The following EDA variants were observed in gnomAD, a reference collection of about 807,000 sequenced individuals.
The protein encoded by EDA is ectodysplasin-A.
In EDA, 2 loss-of-function variants were observed where a neutral mutation model predicts 23.6. That is an observed-to-expected ratio of 0.08 (90% CI 0.03 to 0.27). The LOEUF (loss-of-function observed/expected upper bound fraction) is 0.27, where lower values mean the gene tolerates loss of function less well. Ranked by LOEUF, EDA falls within the 10% of genes least tolerant of loss-of-function variation. The pLI is 1.00. For missense variants in EDA, 229 were observed against 324.2 expected (o/e 0.71, Z 2.26); for synonymous variants, 131 against 132.0 (o/e 0.99, Z 0.05).
intron 1 of EDA, among the ~76,000 whole-genome samples, chrX:69,826,206 C>T (rs183178997): frequency 5.4e-5 from 6 of 111,608 alleles, no homozygotes; most frequent in Admixed American, 3.8e-4. Context: ...CTGTAGATGT[C>T]TAATAGGTCT....
intron 2 of EDA, among the ~76,000 whole-genome samples, chrX:69,979,342 T>C (rs1040078029): frequency 2.7e-5 from 3 of 112,404 alleles, no homozygotes; most frequent in Admixed American, 9.5e-5. Context: ...TTATGAATAA[T>C]GCTACTGTGA....
chrX:69,755,726 C>T (rs1173478120), intron 1 of EDA, among the ~76,000 whole-genome samples: 6 of 112,578 alleles, frequency 5.3e-5, no homozygotes, highest in Non-Finnish European at 1.1e-4. Context: ...TTGGAGCTTC[C>T]CAGCAGCTTT....
At chrX:69,666,325 GT>G (rs1933680712) in intron 1 of EDA, among the ~76,000 whole-genome samples, 1 of 112,210 alleles carries the variant, frequency 8.9e-6, no homozygotes, top group Non-Finnish European at 1.9e-5. Flanking sequence ...AGTACTTTCA[GT>G]ACTATGTTGA....
intron 1 of EDA, among the ~76,000 whole-genome samples, chrX:69,721,954 G>A (rs1435741468): frequency 2.7e-5 from 3 of 110,994 alleles, no homozygotes; most frequent in Non-Finnish European, 5.7e-5. Context: ...TCACCAGCTT[G>A]TAGACATGAC....
At chrX:70,027,575 C>A (rs1815144154) in intron 3 of EDA, among the ~76,000 whole-genome samples, 1 of 111,349 alleles carries the variant, frequency 9.0e-6, no homozygotes, top group African/African-American at 3.3e-5. Context: ...GTAATCCCAG[C>A]ATTTTGGGAG....
At position 69,968,040 on chromosome X, in the gene EDA, G is replaced by A. The variant is rs963058174; in HGVS notation, c.502+10908G>A. Among the ~76,000 whole-genome samples the A allele has an allele frequency of 2.7e-5, 3 of 111,837 alleles. No individual in the cohort carries two copies. The South Asian group carries it at 1.1e-3, about 42-fold the overall frequency. On this transcript the variant is annotated intron_variant, in intron 2 of 7. Transcript: ENST00000374552. Reference sequence around the variant, plus strand: ...AGATTCATTAAGCATCTATTATGTGGAAGACACTGTGTTATATTACACCCG... The same window carrying A: ...AGATTCATTAAGCATCTATTATGTGAAAGACACTGTGTTATATTACACCCG...
chrX:69,693,139 G>A (rs1934760547), intron 1 of EDA: 1 of 111,480 alleles, frequency 9.0e-6, no homozygotes, highest in African/African-American at 3.3e-5. Context: ...AGAGACAGAG[G>A]ACACAGTCTG....
intron 2 of EDA, among the ~76,000 whole-genome samples, chrX:69,958,075 T>C (rs2019041910): frequency 8.9e-6 from 1 of 112,213 alleles, no homozygotes; most frequent in African/African-American, 3.2e-5. Context: ...CTGGGTGTAA[T>C]AGCTTTGAGT....
intron 1 of EDA, among the ~76,000 whole-genome samples, chrX:69,735,564 G>A (rs1404373028): frequency 2.7e-5 from 3 of 111,381 alleles, no homozygotes; most frequent in Admixed American, 9.5e-5. Context: ...CAAGCTTTTG[G>A]TGTAATTCTT....
intron 1 of EDA, among the ~76,000 whole-genome samples, chrX:69,743,918 C>A (rs779039248): frequency 4.5e-4 from 50 of 111,666 alleles, no homozygotes; most frequent in African/African-American, 1.5e-3. Context: ...TTATGAGATA[C>A]CAGATTTAAA....
intron 1 of EDA, among the ~76,000 whole-genome samples, chrX:69,696,610 T>C (rs1037477034): frequency 2.7e-5 from 3 of 112,121 alleles, no homozygotes; most frequent in Admixed American, 9.4e-5. Context: ...TGTTTTCCTT[T>C]TATTTCTATT....
intron 1 of EDA, among the ~76,000 whole-genome samples, chrX:69,633,051 T>C (rs1313629354): frequency 1.8e-5 from 2 of 111,802 alleles, no homozygotes; most frequent in Non-Finnish European, 3.8e-5. Flanking sequence ...AAACTTGCTG[T>C]CTTTACGTTT....
At chrX:69,616,772 A>C (rs1173339380) in intron 1 of EDA, 68 bp downstream of exon 1, 23 of 1,189,193 alleles carry the variant, frequency 1.9e-5, no homozygotes, top group Non-Finnish European at 2.4e-5. Context: ...CCTCCGCCAC[A>C]GGGGCCTGGG....
intron 1 of EDA, among the ~76,000 whole-genome samples, chrX:69,719,934 G>C (rs2012515195): frequency 9.1e-6 from 1 of 110,101 alleles, no homozygotes; most frequent in Non-Finnish European, 1.9e-5. Flanking sequence ...ATTTTTAGTA[G>C]GGATGGGGTT....
intron 1 of EDA, among the ~76,000 whole-genome samples, chrX:69,714,355 C>A (rs1456743608): frequency 9.0e-6 from 1 of 110,876 alleles, no homozygotes; most frequent in East Asian, 2.8e-4. Context: ...ATAAGCTTAT[C>A]TTTTTGTTGT....
At chrX:69,844,899 G>A (rs775234284) in intron 1 of EDA, among the ~76,000 whole-genome samples, 22 of 112,185 alleles carry the variant, frequency 2.0e-4, no homozygotes, top group Non-Finnish European at 3.8e-4. Context: ...TGACCTCAGC[G>A]TAAGTACATT....
At chrX:70,022,397 C>T (rs1027755464) in intron 2 of EDA, among the ~76,000 whole-genome samples, 1 of 108,983 alleles carries the variant, frequency 9.2e-6, no homozygotes, top group Non-Finnish European at 1.9e-5. Context: ...GAGTGTAGAG[C>T]GTGATCTTGG....
chrX:70,021,408 C>T (rs1478546410), intron 2 of EDA, among the ~76,000 whole-genome samples: 1 of 111,915 alleles, frequency 8.9e-6, no homozygotes, highest in Admixed American at 9.5e-5. Context: ...TCCTACTACT[C>T]TCCTAGGCTG....
In EDA at chrX:69,679,147, C is replaced by T. The variant is rs750469453; in HGVS notation, c.396+62443C>T. On this transcript the variant is annotated intron_variant, in intron 1 of 7. Transcript: ENST00000374552. Reference sequence around the variant, plus strand: ...GTTTATTGATTTGCGTATATTGAACCGGCCTTGCATCCCAGGGATGAAGCC... The same window carrying T: ...GTTTATTGATTTGCGTATATTGAACTGGCCTTGCATCCCAGGGATGAAGCC... Among the ~76,000 whole-genome samples, 8 of 109,466 alleles carry T rather than the reference C, an allele frequency of 7.3e-5. No homozygotes were observed. The South Asian group carries it at 1.2e-3, about 17-fold the overall frequency.
Sources: allele counts gnomAD v4.1 joint callset (sites outside exome capture counted in the v4.1 genomes callset), GRCh38; gene constraint gnomAD v4.1.1; transcripts MANE v1.5; gene names NCBI Gene and HGNC (gene_info 2026-07-23, HGNC 2026-07-21).